The following SGMS2 variants were observed in gnomAD, a reference collection of about 807,000 sequenced individuals.
SGMS2 encodes sphingomyelin synthase 2.
A neutral mutation model predicts 43.8 loss-of-function variants in SGMS2; 21 were observed. The observed-to-expected ratio is 0.48, with a 90% CI of 0.34 to 0.69. The LOEUF is 0.69. SGMS2 is among the 30% of genes least tolerant of loss of function. SGMS2 has a pLI of 0.01. For missense variants in SGMS2, 384 were observed against 443.2 expected, an observed-to-expected ratio of 0.87 and a Z score of 1.20; for synonymous variants, 167 against 160.6, an observed-to-expected ratio of 1.04 and a Z score of -0.30.
intron 2 of SGMS2, among the ~76,000 whole-genome samples, chr4:107,868,780 T>C (rs1728334499): frequency 6.6e-6 from 1 of 152,150 alleles, no homozygotes; most frequent in Admixed American, 6.5e-5. Context: ...CCTGTAATCA[T>C]AGGATTCTGG....
chr4:107,871,420 A>G lies in SGMS2; in HGVS notation c.-245+12867A>G, dbSNP rs186430191. ...ATTTCAGGCTGTTTTCTAATTTGTA[A>G]AAGTTTTTATCTCTCATTGTTCTTT... On this transcript the variant is annotated intron_variant, in intron 2 of 6. Transcript: ENST00000690982. Among the ~76,000 whole-genome samples, 20 of 152,130 alleles carry G rather than the reference A, an allele frequency of 1.3e-4. No individual in the cohort carries two copies. The East Asian group carries it at 1.5e-3, about 12-fold the overall frequency.
At chr4:107,866,904 T>C (rs1337087692) in intron 2 of SGMS2, 1 of 152,228 alleles carries the variant, frequency 6.6e-6, no homozygotes, top group East Asian at 1.9e-4. Flanking sequence ...GCAAAATTAC[T>C]GACCCAGGAT....
chr4:107,849,100 A>G (rs1030010657), intron 1 of SGMS2, among the ~76,000 whole-genome samples: 1 of 152,172 alleles, frequency 6.6e-6, no homozygotes, highest in Non-Finnish European at 1.5e-5. Flanking sequence ...AGTACTTTCA[A>G]CATGCAGAGA....
chr4:107,839,707 A>G (rs1029807435), intron 1 of SGMS2, among the ~76,000 whole-genome samples: 2 of 152,190 alleles, frequency 1.3e-5, no homozygotes, highest in South Asian at 2.1e-4. Flanking sequence ...TTAATACCCT[A>G]TTTTAATACT....
At position 107,895,992 on chromosome 4, in the gene SGMS2, C is replaced by T. The variant is rs1332061002; in HGVS notation, c.439C>T (p.Leu147=). Reference sequence around the variant, plus strand: ...AGTTGGATTATGGATCACCCAGTGGCTGTTTCTGAGATACAAGTAAGTAAA... The same window carrying T: ...AGTTGGATTATGGATCACCCAGTGGTTGTTTCTGAGATACAAGTAAGTAAA... ...ILVGLWITQW[L]FLRYKSIVGR... is the part of the protein sequence containing the mutation. The change falls in exon 3 of 7, where the codon CTG becomes TTG. Residue 147 remains leucine, a synonymous_variant. Coordinates refer to ENST00000690982, the MANE Select transcript of SGMS2 (RefSeq NM_001375905.1). 1 of 1,610,138 alleles carries T rather than the reference C, an allele frequency of 6.2e-7. No individual in the cohort carries two copies. Among genetic ancestry groups the T allele is most frequent in the Admixed American group, 1.7e-5 (1 of 59,768 alleles).
chr4:107,895,751 T>C lies in SGMS2; in HGVS notation c.198T>C (p.Thr66=). 1 of 1,613,974 alleles carries C rather than the reference T, an allele frequency of 6.2e-7. No homozygotes were observed. Among genetic ancestry groups the C allele is most frequent in the East Asian group, 2.2e-5 (1 of 44,846 alleles). ...ACTATATCCAAATTGCTATGCCCAC[T>C]GAATCAAGGAACAAATTTCCACTAG... is the stretch of plus-strand genomic sequence containing the variant. ...YPDYIQIAMP[T]ESRNKFPLEW... is the part of the protein sequence containing the mutation. Residue 66 remains threonine (T), a synonymous_variant, in exon 3 of 7, where the codon ACT becomes ACC. Transcript: ENST00000690982.
rs189229093 is a variant in SGMS2 at position 107,852,525 on chromosome 4, A to T, written c.-326-5947A>T. On this transcript the variant is annotated intron_variant, in intron 1 of 6. Transcript: ENST00000690982. ...GTCATCTATAAATCTATTATATGTT[A>T]GCATTTTGCATTATCTTTCTAGTCA... Among the ~76,000 whole-genome samples, 842 of 152,328 alleles carry T rather than the reference A, an allele frequency of 5.5e-3. 5 individuals are homozygous for T. Among genetic ancestry groups the T allele is most frequent in the African/African-American group, 0.02 (812 of 41,578 alleles).
intron 2 of SGMS2, among the ~76,000 whole-genome samples, chr4:107,882,104 T>C (rs1351796353): frequency 6.6e-6 from 1 of 152,186 alleles, no homozygotes; most frequent in Non-Finnish European, 1.5e-5. Flanking sequence ...ATGCTGATTT[T>C]CTTTCTTTTG....
intron 1 of SGMS2, among the ~76,000 whole-genome samples, chr4:107,831,124 G>C (rs1249787419): frequency 6.6e-6 from 1 of 152,166 alleles, no homozygotes; most frequent in Admixed American, 6.5e-5. Context: ...AGAGCTGGTG[G>C]GAAGTAGAGC....
intron 1 of SGMS2, among the ~76,000 whole-genome samples, chr4:107,842,984 C>T (rs1014320478): frequency 2.6e-5 from 4 of 152,202 alleles, no homozygotes; most frequent in African/African-American, 7.2e-5. Context: ...TTAGTCGCTA[C>T]ATTTCGTTTC....
intron 2 of SGMS2, among the ~76,000 whole-genome samples, chr4:107,869,916 G>A (rs1728432100): frequency 6.6e-6 from 1 of 152,106 alleles, no homozygotes; most frequent in Non-Finnish European, 1.5e-5. Flanking sequence ...GGTCTTTAAC[G>A]AGGTCAGTAA....
chr4:107,864,312 G>A (rs10030704), intron 2 of SGMS2: 82,582 of 152,142 alleles, frequency 0.54, 23,401 homozygotes, highest in African/African-American at 0.67. Context: ...CTGCTCTGAG[G>A]AAGTGGTGAC....
chr4:107,877,984 C>T (rs748048519), intron 2 of SGMS2, among the ~76,000 whole-genome samples: 30 of 141,008 alleles, frequency 2.1e-4, no homozygotes, highest in African/African-American at 7.7e-4. Flanking sequence ...GGTGCAATCT[C>T]GGCTCACTGC....
chr4:107,875,574 C>A (rs564484904), intron 2 of SGMS2, among the ~76,000 whole-genome samples: 50 of 152,198 alleles, frequency 3.3e-4, no homozygotes, highest in African/African-American at 1.2e-3. Flanking sequence ...GGCTTAATAC[C>A]TGGGTGATGA....
intron 2 of SGMS2, chr4:107,893,531 C>T (rs1243074591): frequency 6.6e-6 from 1 of 152,194 alleles, no homozygotes; most frequent in Non-Finnish European, 1.5e-5. Context: ...CTTATTCTTC[C>T]CACAACATTG....
chr4:107,833,365 C>T (rs960933852), intron 1 of SGMS2, among the ~76,000 whole-genome samples: 2 of 152,082 alleles, frequency 1.3e-5, no homozygotes, highest in Non-Finnish European at 2.9e-5. Context: ...TAATGGCTCC[C>T]CAAAGATGTT....
At chr4:107,880,841 G>A (rs1237834024) in intron 2 of SGMS2, among the ~76,000 whole-genome samples, 16 of 131,638 alleles carry the variant, frequency 1.2e-4, no homozygotes, top group African/African-American at 4.6e-4. Flanking sequence ...GTGACATAGC[G>A]AGACTGTCTC....
chr4:107,851,495 G>T (rs1727141652), intron 1 of SGMS2, among the ~76,000 whole-genome samples: 2 of 152,120 alleles, frequency 1.3e-5, no homozygotes, highest in Non-Finnish European at 2.9e-5. Context: ...TGCCTAACCT[G>T]GATAGTTAAC....
intron 2 of SGMS2, chr4:107,867,679 A>G (rs1026603140): frequency 2.6e-5 from 4 of 152,218 alleles, no homozygotes; most frequent in African/African-American, 9.7e-5. Context: ...TTAACCTCAT[A>G]GAATTGTGGA....
Sources: gnomAD v4.1 joint callset for allele counts (sites outside exome capture counted in the v4.1 genomes callset) on GRCh38, gnomAD v4.1.1 for gene constraint, MANE v1.5 for transcripts, NCBI Gene and HGNC (gene_info 2026-07-23, HGNC 2026-07-21) for gene names.